MYO3B: variants seen among roughly 807,000 people sequenced by gnomAD.
MYO3B encodes the protein myosin IIIB.
A neutral mutation model predicts 174.6 loss-of-function variants in MYO3B; 156 were observed. The ratio of observed to expected loss-of-function variants is 0.89; its 90% CI spans 0.78 to 1.02. The LOEUF (loss-of-function observed/expected upper bound fraction) is 1.02. MYO3B is among the 50% of genes least tolerant of loss of function. MYO3B has a pLI of 0.00. For missense variants in MYO3B, 1,632 were observed against 1,639.4 expected (o/e 1.00, Z 0.08); for synonymous variants, 563 against 569.1 (o/e 0.99, Z 0.15).
intron 32 of MYO3B, among the ~76,000 whole-genome samples, chr2:170,638,494 T>C (rs888721293): frequency 6.6e-6 from 1 of 152,214 alleles, no homozygotes; most frequent in Non-Finnish European, 1.5e-5. Flanking sequence ...TCCAACAAGC[T>C]GAAAAGCAAA....
chr2:170,220,878 G>A (rs922556835), intron 6 of MYO3B, among the ~76,000 whole-genome samples: 3 of 152,198 alleles, frequency 2.0e-5, no homozygotes, highest in African/African-American at 7.2e-5. Context: ...ATTGTGTCCA[G>A]TATGCTCTGG....
At chr2:170,191,081 C>G (rs2092534791) in intron 1 of MYO3B, among the ~76,000 whole-genome samples, 1 of 151,948 alleles carries the variant, frequency 6.6e-6, no homozygotes, top group Non-Finnish European at 1.5e-5. Flanking sequence ...GGACTGGGTC[C>G]TTCCCTTTAA....
intron 22 of MYO3B, among the ~76,000 whole-genome samples, chr2:170,439,522 G>A (rs1327759230): frequency 2.0e-5 from 3 of 151,820 alleles, no homozygotes; most frequent in Non-Finnish European, 4.4e-5. Flanking sequence ...TCTACAATTC[G>A]TTGATTGTTT....
chr2:170,217,678 C>A (rs1171372712), intron 6 of MYO3B, among the ~76,000 whole-genome samples: 1 of 152,192 alleles, frequency 6.6e-6, no homozygotes, highest in Non-Finnish European at 1.5e-5. Context: ...TTGGCAAATT[C>A]ATCAGCCCTT....
chr2:170,559,566 A>G (rs551636654), intron 32 of MYO3B, among the ~76,000 whole-genome samples: 2 of 152,312 alleles, frequency 1.3e-5, no homozygotes, highest in Admixed American at 1.3e-4. Context: ...GATTAAAAAT[A>G]CTTGCAATTT....
At chr2:170,311,241 T>G (rs1189628332) in intron 7 of MYO3B, among the ~76,000 whole-genome samples, 2 of 152,182 alleles carry the variant, frequency 1.3e-5, no homozygotes, top group Non-Finnish European at 1.5e-5. Context: ...CTACCAGCAA[T>G]GTATGGGAGT....
chr2:170,347,527 G>A (rs1003784677), intron 8 of MYO3B, among the ~76,000 whole-genome samples: 9 of 152,088 alleles, frequency 5.9e-5, no homozygotes, highest in Non-Finnish European at 1.0e-4. Context: ...GCTTGAACCC[G>A]GGAGGTTGAG....
In MYO3B at chr2:170,591,490, CAA is replaced by C. The variant is rs569286593; in HGVS notation, c.3733+47504_3733+47505del. Among the ~76,000 whole-genome samples, 63 of 152,166 alleles carry C rather than the reference CAA, an allele frequency of 4.1e-4. No individual in the cohort carries two copies. The South Asian group carries it at 0.013, about 31-fold the overall frequency. On this transcript the variant is annotated intron_variant, in intron 32 of 34. Transcript: ENST00000408978. ...TTCTGTGAAAATGTGAGGTTAATGA[CAA>C]AGAGGTTAGTGACAGCAAAGGGTGG... is the stretch of plus-strand genomic sequence containing the variant.
intron 1 of MYO3B, among the ~76,000 whole-genome samples, chr2:170,196,390 G>T (rs987646957): frequency 6.6e-6 from 1 of 152,110 alleles, no homozygotes; most frequent in Non-Finnish European, 1.5e-5. Context: ...GCACATGCTT[G>T]TGGTCCCATC....
intron 9 of MYO3B, among the ~76,000 whole-genome samples, chr2:170,374,304 C>T (rs1235904034): frequency 6.6e-6 from 1 of 152,090 alleles, no homozygotes; most frequent in Non-Finnish European, 1.5e-5. Flanking sequence ...ACCAGACTGG[C>T]TTATTGACTT....
At chr2:170,486,848 C>T (rs1356562814) in intron 25 of MYO3B, among the ~76,000 whole-genome samples, 1 of 152,194 alleles carries the variant, frequency 6.6e-6, no homozygotes, top group Non-Finnish European at 1.5e-5. Flanking sequence ...CCATAGGAAA[C>T]CATCCTTCAG....
intron 7 of MYO3B, among the ~76,000 whole-genome samples, chr2:170,314,996 G>A (rs1258706050): frequency 1.3e-5 from 2 of 152,178 alleles, no homozygotes; most frequent in Non-Finnish European, 2.9e-5. Context: ...TAAGTGTATG[G>A]ACTTTGTACT....
chr2:170,445,552 G>A (rs2094835098), intron 23 of MYO3B, among the ~76,000 whole-genome samples: 1 of 152,038 alleles, frequency 6.6e-6, no homozygotes, highest in Non-Finnish European at 1.5e-5. Flanking sequence ...TGTTGGTCAG[G>A]CTGGTCTCCA....
chr2:170,399,451 G>A (rs2094461688), intron 16 of MYO3B, among the ~76,000 whole-genome samples: 2 of 146,854 alleles, frequency 1.4e-5, no homozygotes, highest in Non-Finnish European at 3.0e-5. Context: ...TCCAGCCAGG[G>A]TGACAGAGCA....
chr2:170,563,919 A>C (rs1691900345), intron 32 of MYO3B, among the ~76,000 whole-genome samples: 1 of 152,222 alleles, frequency 6.6e-6, no homozygotes, highest in Non-Finnish European at 1.5e-5. Flanking sequence ...TCAGTTGATT[A>C]CATTGCTGTG....
intron 32 of MYO3B, among the ~76,000 whole-genome samples, chr2:170,630,457 C>T (rs1696857114): frequency 6.6e-6 from 1 of 152,198 alleles, no homozygotes; most frequent in South Asian, 2.1e-4. Flanking sequence ...CTGTAGACTC[C>T]ACCTCTGGAG....
chr2:170,636,743 A>C (rs375911993), intron 32 of MYO3B, among the ~76,000 whole-genome samples: 13 of 152,262 alleles, frequency 8.5e-5, no homozygotes, highest in Middle Eastern at 3.4e-3. Flanking sequence ...CTATATTGTC[A>C]GATAAATGCT....
intron 20 of MYO3B, among the ~76,000 whole-genome samples, chr2:170,404,824 C>G (rs2105806527): frequency 6.6e-6 from 1 of 152,272 alleles, no homozygotes; most frequent in African/African-American, 2.4e-5. Context: ...CCCCATCTAC[C>G]CTGGACATCC....
intron 32 of MYO3B, among the ~76,000 whole-genome samples, chr2:170,626,869 A>G (rs986281178): frequency 6.6e-6 from 1 of 152,184 alleles, no homozygotes; most frequent in Non-Finnish European, 1.5e-5. Flanking sequence ...AATGTTGAAT[A>G]TGGGCCCCCA....
Sources: gnomAD v4.1 joint callset for allele counts (sites outside exome capture counted in the v4.1 genomes callset) on GRCh38, gnomAD v4.1.1 for gene constraint, MANE v1.5 for transcripts, NCBI Gene and HGNC (gene_info 2026-07-23, HGNC 2026-07-21) for gene names.